The following TM2D1 variants were observed in gnomAD, a reference collection of about 807,000 sequenced individuals.
TM2D1 encodes TM2 domain containing 1.
TM2D1 carries 15 observed loss-of-function variants against 28.4 expected under a neutral mutation model. The observed-to-expected ratio is 0.53, with a 90% CI of 0.35 to 0.81. TM2D1 has a LOEUF of 0.81. Among genes scored for constraint, TM2D1 ranks in the 40% least tolerant of loss-of-function variants. The pLI, the probability that TM2D1 is intolerant of heterozygous loss-of-function variation, is 0.01. For missense variants in TM2D1, 236 were observed against 254.9 expected (o/e 0.93, Z 0.50); for synonymous variants, 93 against 96.2 (o/e 0.97, Z 0.20).
intron 2 of TM2D1, among the ~76,000 whole-genome samples, chr1:61,716,149 T>C (rs1382181429): frequency 2.0e-5 from 3 of 151,198 alleles, no homozygotes; most frequent in Non-Finnish European, 4.4e-5. Flanking sequence ...AGTGAGACTC[T>C]GTCTCTAAAG....
intron 5 of TM2D1, among the ~76,000 whole-genome samples, chr1:61,691,932 A>AAAATATATATATAT: frequency 1.0e-3 from 79 of 76,368 alleles, no homozygotes; most frequent in Admixed American, 1.7e-3. Flanking sequence ...AAAAAAAAAA[A>AAAATATATATATAT]ATATATATAT....
intron 5 of TM2D1, chr1:61,694,452 T>G (rs931733818): frequency 3.2e-6 from 1 of 312,274 alleles, no homozygotes; most frequent in African/African-American, 2.2e-5. Context: ...ACAAATCATA[T>G]TTGAGCACGG....
At chr1:61,712,590 T>C (rs186795405) in intron 2 of TM2D1, among the ~76,000 whole-genome samples, 1 of 152,128 alleles carries the variant, frequency 6.6e-6, no homozygotes, top group Admixed American at 6.5e-5. Context: ...TTTGTATTTT[T>C]AGTAGAGATG....
chr1:61,724,999 C>A lies in TM2D1; in HGVS notation c.122G>T (p.Gly41Val). ...CTCGCACTTAAGCGACTCCTCGCCC[C>A]CGGCGGAGGTGGCAACAGCCCCCCA... ...GPWGAVATSA[G>V]GEESLKCEDL... The change falls in exon 1 of 7, where the codon GGG (glycine) becomes GTG (valine). Residue 41 changes from glycine (G) to valine (V), a missense_variant. Transcript: ENST00000606498. The A allele has an allele frequency of 6.2e-7, 1 of 1,609,850 alleles. No homozygotes were observed. Among genetic ancestry groups the A allele is most frequent in the Non-Finnish European group, 8.5e-7 (1 of 1,176,640 alleles).
Position 61,694,750 on chromosome 1 carries a change from C to T in TM2D1, c.460G>A (p.Val154Ile), listed in dbSNP as rs1644352119. 6.2e-7 allele frequency: 1 copy of T among 1,603,258 alleles called. No homozygotes were observed. Among genetic ancestry groups the T allele is most frequent in the Non-Finnish European group, 8.5e-7 (1 of 1,175,658 alleles). ...AGGCTCCCAATTCCACAAAACCCTACAGTGCAAAACTTTAACAAACCTAGA... is the reference window on the plus strand; with the variant it reads ...AGGCTCCCAATTCCACAAAACCCTATAGTGCAAAACTTTAACAAACCTAGA... ...PALGLLKFCT[V>I]GFCGIGSLID... is the part of the protein sequence containing the mutation. Residue 154 changes from valine to isoleucine, a missense_variant, in exon 5 of 7, where the codon GTA (valine) becomes ATA (isoleucine). Coordinates refer to ENST00000606498, the MANE Select transcript of TM2D1 (RefSeq NM_032027.3).
intron 4 of TM2D1, chr1:61,697,814 A>G (rs1570105369): frequency 6.6e-6 from 1 of 152,274 alleles, no homozygotes; most frequent in African/African-American, 2.4e-5. Flanking sequence ...ACTTTTAAAT[A>G]TTATCTCTGA....
intron 3 of TM2D1, among the ~76,000 whole-genome samples, chr1:61,702,289 A>T (rs557630755): frequency 1.9e-4 from 29 of 152,174 alleles, no homozygotes; most frequent in African/African-American, 6.7e-4. Context: ...AAGGATTTGA[A>T]GAAAAAGAAA....
chr1:61,725,034 A>G lies in TM2D1; in HGVS notation c.87T>C (p.Thr29=). Residue 29 remains threonine, a synonymous_variant, in exon 1 of 7, where the codon ACT becomes ACC. Coordinates refer to ENST00000606498, the MANE Select transcript of TM2D1 (RefSeq NM_032027.3). The stretch of plus-strand genomic sequence containing the variant: ...TGGCAACAGCCCCCCAGGGTCCTGT[A>G]GTGACTGAGACGAACCACAGGACAC... ...LVGVLWFVSV[T]TGPWGAVATS... 6.2e-7 allele frequency: 1 copy of G among 1,614,006 alleles called. No homozygotes were observed. Among genetic ancestry groups the G allele is most frequent in the Non-Finnish European group, 8.5e-7 (1 of 1,179,890 alleles).
intron 5 of TM2D1, among the ~76,000 whole-genome samples, chr1:61,690,811 AGT>A (rs1644318613): frequency 1.3e-5 from 2 of 152,230 alleles, no homozygotes; most frequent in Non-Finnish European, 2.9e-5. Context: ...TATATAACCC[AGT>A]GTTAGAGTGG....
At chr1:61,690,646 T>C (rs541217675) in intron 5 of TM2D1, among the ~76,000 whole-genome samples, 1 of 152,252 alleles carries the variant, frequency 6.6e-6, no homozygotes, top group East Asian at 1.9e-4. Flanking sequence ...TAAGGCATAC[T>C]GCATACAGTT....
At chr1:61,700,140 T>C (rs1442431586) in intron 4 of TM2D1, 1 of 1,496,712 alleles carries the variant, frequency 6.7e-7, no homozygotes, top group African/African-American at 1.4e-5. Context: ...CTGAGTGTCC[T>C]TGGGTAAATC....
intron 1 of TM2D1, among the ~76,000 whole-genome samples, chr1:61,724,699 A>C (rs768520629): frequency 4.6e-5 from 7 of 152,128 alleles, no homozygotes; most frequent in Non-Finnish European, 1.0e-4. Context: ...AAGCACACTG[A>C]TAAAAAAGAA....
intron 5 of TM2D1, among the ~76,000 whole-genome samples, chr1:61,685,636 C>T (rs1467421532): frequency 6.6e-6 from 1 of 152,208 alleles, no homozygotes; most frequent in Admixed American, 6.5e-5. Context: ...ACTTACAAAG[C>T]ACATGTGTGC....
At chr1:61,709,518 T>C in intron 2 of TM2D1, 81 bp from the exon 3 acceptor site, 4 of 985,534 alleles carry the variant, frequency 4.1e-6, no homozygotes, top group Admixed American at 2.0e-5. Flanking sequence ...CTAGCAAATA[T>C]GTTATAACAA....
chr1:61,709,875 A>G (rs904023402), intron 2 of TM2D1, among the ~76,000 whole-genome samples: 4 of 152,218 alleles, frequency 2.6e-5, no homozygotes, highest in African/African-American at 9.6e-5. Context: ...ACGCTTATAG[A>G]TAATTGTTGC....
At chr1:61,692,001 T>C (rs1259797604) in intron 5 of TM2D1, among the ~76,000 whole-genome samples, 3 of 143,056 alleles carry the variant, frequency 2.1e-5, no homozygotes, top group Admixed American at 7.2e-5. Flanking sequence ...TCTTTAAATA[T>C]TCAAAACTAC....
At chr1:61,711,222 T>A (rs905091887) in intron 2 of TM2D1, among the ~76,000 whole-genome samples, 2 of 147,260 alleles carry the variant, frequency 1.4e-5, no homozygotes, top group African/African-American at 5.1e-5. Flanking sequence ...CCCAGCTACA[T>A]GAGAGGCTGG....
chr1:61,701,054 AT>A, intron 3 of TM2D1, 29 bp from the exon 4 acceptor site: 2 of 1,543,918 alleles, frequency 1.3e-6, no homozygotes, highest in Non-Finnish European at 1.8e-6. Context: ...TGAGTATCAT[AT>A]TTCCAATGTG....
rs1233944860 is a variant in TM2D1, at chr1:61,700,934, C to T, written c.439G>A (p.Gly147Ser). The change falls in exon 4 of 7, where the codon GGT becomes AGT. Residue 147 changes from glycine (G) to serine (S), a missense_variant and splice_region_variant. Around this residue, in one of 3 missense-constraint regions of TM2D1, gnomAD observed 64 missense variants for 73.1 expected, o/e 0.88. Transcript: ENST00000606498. ...TTTTTTTTTAATGAAACATACGCAC[C>T]CAAAGCAGGGTATCCAAGGTAAAAT... ...DRFYLGYPAL[G>S]LLKFCTVGFC... 2 of 1,603,092 alleles carry T rather than the reference C, an allele frequency of 1.2e-6. No individual in the cohort carries two copies. Among genetic ancestry groups the T allele is most frequent in the South Asian group, 1.1e-5 (1 of 88,396 alleles).
Sources: allele counts gnomAD v4.1 joint callset (sites outside exome capture counted in the v4.1 genomes callset), GRCh38; gene constraint gnomAD v4.1.1; regional missense constraint gnomAD v4.1.1; transcripts MANE v1.5; gene names NCBI Gene and HGNC (gene_info 2026-07-23, HGNC 2026-07-21).